PCDHA2: variants seen among roughly 807,000 people sequenced by gnomAD.
PCDHA2 encodes the protein protocadherin alpha-2.
Under a neutral mutation model 66.0 loss-of-function variants are expected in PCDHA2, and 58 were observed. The ratio of observed to expected loss-of-function variants is 0.88; its 90% CI spans 0.71 to 1.09. PCDHA2 has a LOEUF of 1.09. Among genes scored for constraint, PCDHA2 ranks in the 50% least tolerant of loss-of-function variants. The probability of loss-of-function intolerance (pLI) is 0.00; values close to 1 mark genes in which losing one functional copy is unlikely to be tolerated. For synonymous variants in PCDHA2, 634 were observed against 554.0 expected (o/e 1.14, Z -2.03); for missense variants, 1,267 against 1,242.3 (o/e 1.02, Z -0.30).
chr5:140,840,432 C>T (rs1458512943), intron 1 of PCDHA2, among the ~76,000 whole-genome samples: 2 of 151,722 alleles, frequency 1.3e-5, no homozygotes, highest in Non-Finnish European at 2.9e-5. Flanking sequence ...TAGTTTAAAG[C>T]CGTGGAAATA....
chr5:140,968,715 A>G, intron 1 of PCDHA2: 1 of 1,614,132 alleles, frequency 6.2e-7, no homozygotes, highest in Non-Finnish European at 8.5e-7. Context: ...AAGATGGGAG[A>G]TGAGAGTGGT....
chr5:140,905,437 C>T (rs190555934), intron 1 of PCDHA2, among the ~76,000 whole-genome samples: 1 of 152,130 alleles, frequency 6.6e-6, no homozygotes, highest in Non-Finnish European at 1.5e-5. Flanking sequence ...ATAACTACAG[C>T]CTTTTAGTAT....
At chr5:140,923,468 G>T (rs2081380588) in intron 1 of PCDHA2, among the ~76,000 whole-genome samples, 1 of 152,098 alleles carries the variant, frequency 6.6e-6, no homozygotes, top group African/African-American at 2.4e-5. Flanking sequence ...GGTAGGGGCT[G>T]CAGTGAGCCA....
intron 1 of PCDHA2, chr5:140,928,272 TG>T (rs781906023): frequency 6.2e-7 from 1 of 1,614,156 alleles, no homozygotes; most frequent in Non-Finnish European, 8.5e-7. Context: ...ACAATGGCCC[TG>T]GGGCCTCTCT....
At chr5:140,843,070 G>T (rs2150351793) in intron 1 of PCDHA2, 5 of 1,595,368 alleles carry the variant, frequency 3.1e-6, no homozygotes, top group East Asian at 2.2e-5. Flanking sequence ...TGGTGCCGCG[G>T]TCTGTGGGCG....
At chr5:140,965,291 C>T (rs1227369041) in intron 1 of PCDHA2, among the ~76,000 whole-genome samples, 1 of 152,154 alleles carries the variant, frequency 6.6e-6, no homozygotes, top group Non-Finnish European at 1.5e-5. Context: ...GGAAAGATTT[C>T]CTCTGATCCT....
intron 1 of PCDHA2, chr5:140,829,446 C>T (rs2150168086): frequency 3.6e-5 from 58 of 1,613,896 alleles, no homozygotes; most frequent in Non-Finnish European, 4.7e-5. Context: ...AATGACAATG[C>T]TCCGGCGTTC....
At chr5:140,886,515 G>C (rs1554182564) in intron 1 of PCDHA2, among the ~76,000 whole-genome samples, 1 of 151,972 alleles carries the variant, frequency 6.6e-6, no homozygotes, top group East Asian at 1.9e-4. Context: ...TGGATTTTAA[G>C]GTCTGCATAT....
intron 1 of PCDHA2, chr5:140,813,185 C>T (rs2126644563): frequency 6.6e-6 from 1 of 152,272 alleles, no homozygotes; most frequent in Middle Eastern, 3.4e-3. Context: ...AAGTCCTCTG[C>T]TTCCTTGCTG....
chr5:140,919,915 A>G (rs1306747919), intron 1 of PCDHA2, among the ~76,000 whole-genome samples: 1 of 152,202 alleles, frequency 6.6e-6, no homozygotes, highest in Non-Finnish European at 1.5e-5. Context: ...AAATTACCCT[A>G]AATTTTCAGG....
At chr5:140,899,964 T>A (rs543512832) in intron 1 of PCDHA2, among the ~76,000 whole-genome samples, 3 of 151,824 alleles carry the variant, frequency 2.0e-5, no homozygotes, top group African/African-American at 7.3e-5. Flanking sequence ...TGTGCTGCCA[T>A]GCCCAGCTAC....
intron 1 of PCDHA2, among the ~76,000 whole-genome samples, chr5:140,923,795 A>C (rs1282849925): frequency 6.6e-6 from 1 of 152,360 alleles, no homozygotes; most frequent in African/African-American, 2.4e-5. Context: ...CATTCTTTTC[A>C]CAAATGAAAT....
chr5:140,926,921 G>A (rs1554203799), intron 1 of PCDHA2: 3 of 1,571,110 alleles, frequency 1.9e-6, no homozygotes, highest in African/African-American at 2.7e-5. Flanking sequence ...GCAGTTTTAT[G>A]TTTGTGGGTT....
chr5:140,977,762 C>T (rs996806241), intron 1 of PCDHA2, among the ~76,000 whole-genome samples: 6 of 152,124 alleles, frequency 3.9e-5, no homozygotes, highest in Non-Finnish European at 5.9e-5. Context: ...TTATTAAATA[C>T]TTTGCATCCC....
intron 1 of PCDHA2, among the ~76,000 whole-genome samples, chr5:140,846,624 T>G (rs1554141412): frequency 6.7e-6 from 1 of 149,082 alleles, no homozygotes; most frequent in Non-Finnish European, 1.5e-5. Flanking sequence ...TCCGCCCACT[T>G]CGGCCTCCTA....
At chr5:140,984,281 C>G (rs574169465) in intron 3 of PCDHA2, among the ~76,000 whole-genome samples, 32 of 152,336 alleles carry the variant, frequency 2.1e-4, no homozygotes, top group African/African-American at 7.5e-4. Context: ...AATACATTCT[C>G]CCTCCCATTG....
At chr5:140,875,953 G>T (rs782793293) in intron 1 of PCDHA2, 1 of 1,614,066 alleles carries the variant, frequency 6.2e-7, no homozygotes, top group African/African-American at 1.3e-5. Context: ...TTCTGATGCG[G>T]ATATCGGCGT....
chr5:140,827,997 A>G (rs1769481948), intron 1 of PCDHA2: 1 of 1,482,378 alleles, frequency 6.7e-7, no homozygotes, highest in Admixed American at 2.3e-5. Flanking sequence ...ATGATGGCGG[A>G]CGCAGAAGAA....
chr5:140,973,391 A>G (rs1466546487), intron 1 of PCDHA2, among the ~76,000 whole-genome samples: 1 of 152,232 alleles, frequency 6.6e-6, no homozygotes, highest in East Asian at 1.9e-4. Context: ...AGACAAAGAA[A>G]TCATATCTAT....
Sources: allele counts gnomAD v4.1 joint callset (sites outside exome capture counted in the v4.1 genomes callset), GRCh38; gene constraint gnomAD v4.1.1; transcripts MANE v1.5; gene names NCBI Gene and HGNC (gene_info 2026-07-23, HGNC 2026-07-21).